The following CLASP1 variants were observed in gnomAD, a reference collection of about 807,000 sequenced individuals.
CLASP1 encodes CLIP-associating protein 1.
CLASP1 carries 38 observed loss-of-function variants against 192.3 expected under a neutral mutation model. That is an observed-to-expected ratio of 0.20 (90% CI 0.15 to 0.26). The LOEUF (loss-of-function observed/expected upper bound fraction) is 0.26. CLASP1 is among the 10% of genes least tolerant of loss of function. CLASP1 has a pLI of 1.00. For synonymous variants in CLASP1, 691 were observed against 712.8 expected (o/e 0.97, Z 0.49); for missense variants, 1,433 against 1,932.5 (o/e 0.74, Z 4.85).
At chr2:121,376,832 G>A (rs13430273) in intron 34 of CLASP1, among the ~76,000 whole-genome samples, 158 of 152,264 alleles carry the variant, frequency 1.0e-3, no homozygotes, top group African/African-American at 3.6e-3. Context: ...CTGTGCATGC[G>A]AGGGGATCTA....
exon 40 of CLASP1, chr2:121,338,411 G>A (rs2062515467): frequency 6.6e-6 from 1 of 152,354 alleles, no homozygotes; most frequent in South Asian, 2.1e-4. Context: ...CCCCGCAGTG[G>A]AGCAGCGGGG....
intron 8 of CLASP1, chr2:121,470,246 C>A (rs2090434766): frequency 2.0e-6 from 1 of 511,522 alleles, no homozygotes; most frequent in Non-Finnish European, 3.8e-6. Context: ...AAACCACCAC[C>A]TTGAAACAGT....
intron 2 of CLASP1, among the ~76,000 whole-genome samples, chr2:121,591,112 C>A (rs146488937): frequency 6.6e-6 from 1 of 152,022 alleles, no homozygotes; most frequent in African/African-American, 2.4e-5. Flanking sequence ...GTGATCCGCC[C>A]GCTTCGGCCT....
intron 2 of CLASP1, among the ~76,000 whole-genome samples, chr2:121,546,695 C>T (rs1383141766): frequency 2.0e-5 from 3 of 152,108 alleles, no homozygotes. Context: ...AGTAGTTTCT[C>T]AGGCGCAAAC....
In CLASP1 at chr2:121,637,697, C is replaced by A. The variant is rs144189496; in HGVS notation, c.-286+11675G>T. Among the ~76,000 whole-genome samples the A allele has an allele frequency of 5.7e-3, 872 of 152,114 alleles. 40 individuals carry two copies. In the East Asian group the frequency reaches 0.094, roughly 16 times the overall value. On this transcript the variant is annotated intron_variant, in intron 1 of 39. Coordinates refer to ENST00000263710, the Ensembl canonical transcript of CLASP1. Reference sequence around the variant, plus strand: ...GGTGAAGAGTTTCAGACCAGCCTGGCCAACATGGTGAAACTCCATCTCTAT... The same window carrying A: ...GGTGAAGAGTTTCAGACCAGCCTGGACAACATGGTGAAACTCCATCTCTAT...
In CLASP1 at chr2:121,401,562, T is replaced by G. The variant is rs747989634; in HGVS notation, c.2847A>C (p.Ala949=). The change falls in exon 28 of 40, where the codon GCA becomes GCC. Residue 949 remains alanine (A), a synonymous_variant. Coordinates refer to ENST00000263710, the Ensembl canonical transcript of CLASP1. ...TTGCTTGCACAGATCCAAGTAAATC[T>G]GCTCCCATTTTCTTAAGTAATTGTG... The G allele has an allele frequency of 5.0e-6, 8 of 1,613,516 alleles. No homozygotes were observed. The South Asian group carries it at 7.7e-5, about 16-fold the overall frequency.
At chr2:121,409,044 A>G in intron 24 of CLASP1, 1 of 1,567,742 alleles carries the variant, frequency 6.4e-7, no homozygotes, top group Non-Finnish European at 8.7e-7. Flanking sequence ...GAGTCTCCTA[A>G]CAGCTGTAGG....
intron 33 of CLASP1, among the ~76,000 whole-genome samples, chr2:121,378,250 A>C (rs766212836): frequency 6.6e-6 from 1 of 152,186 alleles, no homozygotes; most frequent in Non-Finnish European, 1.5e-5. Context: ...CTCACCCATG[A>C]GCTTGCTATT....
chr2:121,533,342 C>G (rs1000306531), intron 2 of CLASP1, among the ~76,000 whole-genome samples: 1 of 152,140 alleles, frequency 6.6e-6, no homozygotes, highest in Non-Finnish European at 1.5e-5. Flanking sequence ...GAAAGGGATA[C>G]ATGAAAAAGT....
intron 25 of CLASP1, among the ~76,000 whole-genome samples, chr2:121,407,214 CAAA>C (rs34241757): frequency 3.8e-5 from 4 of 104,700 alleles, no homozygotes; most frequent in Admixed American, 2.1e-4. Context: ...GATTCCATCT[CAAA>C]AAAAAAAAAA....
chr2:121,580,393 C>G (rs1394297771), intron 2 of CLASP1, among the ~76,000 whole-genome samples: 1 of 152,050 alleles, frequency 6.6e-6, no homozygotes, highest in Non-Finnish European at 1.5e-5. Flanking sequence ...ATAATGTATG[C>G]CTATTGCGAG....
At chr2:121,395,535 CA>C (rs2075135464) in intron 30 of CLASP1, among the ~76,000 whole-genome samples, 1 of 152,186 alleles carries the variant, frequency 6.6e-6, no homozygotes, top group African/African-American at 2.4e-5. Context: ...CTGCTTCAGA[CA>C]TATCAGTCTA....
chr2:121,478,642 CA>C (rs773786958), intron 8 of CLASP1, among the ~76,000 whole-genome samples: 2,630 of 114,240 alleles, frequency 0.023, 37 homozygotes, highest in Middle Eastern at 0.034. Context: ...CACACACACA[CA>C]CCCCCCACAC....
intron 6 of CLASP1, among the ~76,000 whole-genome samples, chr2:121,524,004 G>A (rs978871339): frequency 1.5e-4 from 23 of 152,310 alleles, no homozygotes; most frequent in African/African-American, 4.1e-4. Flanking sequence ...TCTAGACAAC[G>A]TCCCTTGTTG....
intron 2 of CLASP1, among the ~76,000 whole-genome samples, chr2:121,601,382 C>T (rs1676478430): frequency 6.6e-6 from 1 of 151,594 alleles, no homozygotes; most frequent in South Asian, 2.1e-4. Flanking sequence ...AAGCAATTCT[C>T]CTACCTCAGC....
chr2:121,434,009 G>A (rs1479528360), intron 19 of CLASP1, among the ~76,000 whole-genome samples: 1 of 152,070 alleles, frequency 6.6e-6, no homozygotes. Flanking sequence ...ACTTGTGTGC[G>A]AAACCATCTG....
chr2:121,410,496 AAAGCAACAG>A (rs2077541221), intron 24 of CLASP1, among the ~76,000 whole-genome samples: 1 of 152,146 alleles, frequency 6.6e-6, no homozygotes, highest in South Asian at 2.1e-4. Flanking sequence ...CAAAGTCTGT[AAAGCAACAG>A]AAGCAACAGA....
intron 2 of CLASP1, among the ~76,000 whole-genome samples, chr2:121,597,506 T>C (rs893985975): frequency 6.6e-6 from 1 of 152,182 alleles, no homozygotes; most frequent in Admixed American, 6.5e-5. Context: ...GCCCCTTGAA[T>C]AGAATCCGGG....
At chr2:121,561,622 C>A (rs874139) in intron 2 of CLASP1, among the ~76,000 whole-genome samples, 19 of 152,252 alleles carry the variant, frequency 1.2e-4, no homozygotes, top group Admixed American at 1.0e-3. Flanking sequence ...AAAAAAATTT[C>A]ATAATGTTTT....
Sources: allele counts gnomAD v4.1 joint callset (sites outside exome capture counted in the v4.1 genomes callset), GRCh38; gene constraint gnomAD v4.1.1; transcripts MANE v1.5; gene names NCBI Gene and HGNC (gene_info 2026-07-23, HGNC 2026-07-21).